UXS1: variants seen among roughly 807,000 people sequenced by gnomAD.
UXS1 encodes the protein UDP-glucuronic acid decarboxylase 1.
Under a neutral mutation model 62.6 loss-of-function variants are expected in UXS1, and 33 were observed. That is an observed-to-expected ratio of 0.53 (90% CI 0.40 to 0.70). The LOEUF is 0.70. Among genes scored for constraint, UXS1 ranks in the 30% least tolerant of loss-of-function variants. UXS1 has a pLI of 0.00. For synonymous variants in UXS1, 213 were observed against 206.8 expected (o/e 1.03, Z -0.26); for missense variants, 434 against 556.3 (o/e 0.78, Z 2.21).
At chr2:106,147,363 G>A (rs1203865218) in intron 5 of UXS1, among the ~76,000 whole-genome samples, 1 of 152,208 alleles carries the variant, frequency 6.6e-6, no homozygotes, top group East Asian at 1.9e-4. Context: ...CAGGAGCTAA[G>A]TCACATCCCT....
At position 106,112,665 on chromosome 2, in the gene UXS1, A is replaced by G. The variant is rs754028083; in HGVS notation, c.860T>C (p.Leu287Pro). The G allele has an allele frequency of 5.0e-6, 8 of 1,613,916 alleles. No homozygotes were observed. Among genetic ancestry groups the G allele is most frequent in the Admixed American group, 3.3e-5 (2 of 60,020 alleles). Residue 287 changes from leucine (L) to proline (P), a missense_variant, in exon 10 of 15, where the codon CTC (leucine) becomes CCC (proline). Physicochemically the swap from Leu to Pro is moderately conservative, Grantham distance 98. Around this residue, in one of 3 missense-constraint regions of UXS1, gnomAD observed 209 missense variants for 233.3 expected, o/e 0.90. Transcript: ENST00000283148. ...ACCTACCGTGAGTGGCTCCCCCTGG[A>G]GCGCCTGCAGGATGAAGTTGCTGAC... is the stretch of plus-strand genomic sequence containing the variant. ...RVVSNFILQA[L>P]QGEPLTVYGS...
At chr2:106,174,302 A>C (rs1237405888) in intron 1 of UXS1, among the ~76,000 whole-genome samples, 1 of 152,248 alleles carries the variant, frequency 6.6e-6, no homozygotes, top group East Asian at 1.9e-4. Context: ...TGTTCAGAGC[A>C]TGAAGAGACA....
At chr2:106,159,823 A>T (rs1042605943) in intron 4 of UXS1, among the ~76,000 whole-genome samples, 1 of 152,188 alleles carries the variant, frequency 6.6e-6, no homozygotes, top group Non-Finnish European at 1.5e-5. Context: ...TCTCATCTCC[A>T]GAAAGCCCTG....
chr2:106,143,408 CAAAAAAAAAAAAAAAA>C (rs60493984), intron 6 of UXS1, among the ~76,000 whole-genome samples: 4 of 38,654 alleles, frequency 1.0e-4, no homozygotes, highest in East Asian at 6.3e-4. Context: ...GACTCCGTCT[CAAAAAAAAAAAAAAAA>C]AAAAAAAAAA....
At chr2:106,177,325 A>G (rs1315338003) in intron 1 of UXS1, among the ~76,000 whole-genome samples, 4 of 151,088 alleles carry the variant, frequency 2.6e-5, no homozygotes, top group African/African-American at 9.8e-5. Context: ...CCTCCTGAGT[A>G]GCTAGGATTA....
intron 6 of UXS1, among the ~76,000 whole-genome samples, chr2:106,142,394 C>T (rs1416289789): frequency 6.6e-6 from 1 of 152,156 alleles, no homozygotes; most frequent in Non-Finnish European, 1.5e-5. Context: ...TGTTTAATCT[C>T]TCTTGAGATT....
intron 7 of UXS1, among the ~76,000 whole-genome samples, chr2:106,125,944 G>A (rs1679904779): frequency 6.6e-6 from 1 of 152,184 alleles, no homozygotes; most frequent in South Asian, 2.1e-4. Context: ...GATAAAGTGT[G>A]ATTTGAGGAG....
At chr2:106,177,353 A>G (rs1212396467) in intron 1 of UXS1, among the ~76,000 whole-genome samples, 6 of 151,824 alleles carry the variant, frequency 4.0e-5, no homozygotes, top group Non-Finnish European at 1.5e-5. Flanking sequence ...GTGCTACCAC[A>G]CCTGGCTAAT....
chr2:106,187,110 G>C (rs1474407787), intron 1 of UXS1, among the ~76,000 whole-genome samples: 3 of 152,060 alleles, frequency 2.0e-5, no homozygotes, highest in Non-Finnish European at 4.4e-5. Flanking sequence ...AAAAAATGTA[G>C]GCATCTGGTG....
chr2:106,144,937 G>A (rs1189458492), intron 6 of UXS1, among the ~76,000 whole-genome samples: 1 of 152,206 alleles, frequency 6.6e-6, no homozygotes, highest in Non-Finnish European at 1.5e-5. Flanking sequence ...CTACAGGAAA[G>A]TTACTTCAAC....
chr2:106,145,082 C>T (rs1681455307), intron 6 of UXS1, 108 bp downstream of exon 6: 2 of 1,246,434 alleles, frequency 1.6e-6, no homozygotes, highest in East Asian at 2.4e-5. Flanking sequence ...TAAAACCCAA[C>T]ATAGCTTTCA....
chr2:106,129,850 A>G (rs1328078582), intron 6 of UXS1, 72 bp from the exon 7 acceptor site: 2 of 895,816 alleles, frequency 2.2e-6, no homozygotes, highest in Non-Finnish European at 3.4e-6. Flanking sequence ...TAGGATATAT[A>G]CTGTATAATA....
chr2:106,145,396 C>T lies in UXS1; in HGVS notation c.292-26G>A, dbSNP rs763342568. 6.9e-6 allele frequency: 11 copies of T among 1,590,862 alleles called. No individual in the cohort carries two copies. The South Asian group carries it at 1.3e-4, about 18-fold the overall frequency. On this transcript the variant is annotated intron_variant, in intron 5 of 14. Coordinates refer to ENST00000283148, the MANE Select transcript of UXS1 (RefSeq NM_001253875.2). ...CTGCATCCGGACAGCGTGTGCAGAG[C>T]ATTCCCAGAAAAAGCACATGAGAAC...
chr2:106,143,186 A>G (rs1326356282), intron 6 of UXS1, among the ~76,000 whole-genome samples: 1 of 151,788 alleles, frequency 6.6e-6, no homozygotes, highest in Non-Finnish European at 1.5e-5. Flanking sequence ...AGGTGGGCGG[A>G]TCATGAGGGC....
At position 106,144,724 on chromosome 2, in the gene UXS1, C is replaced by T. The variant is rs376782078; in HGVS notation, c.472+466G>A. Among the ~76,000 whole-genome samples, 22 of 152,282 alleles carry T rather than the reference C, an allele frequency of 1.4e-4. No individual in the cohort carries two copies. The East Asian group carries it at 3.1e-3, about 21-fold the overall frequency. Reference sequence around the variant, plus strand: ...TTCCTGGTTCATATATGCATCTTCTCGCCACGTCCTCACACGGTGGAAAGG... The same window carrying T: ...TTCCTGGTTCATATATGCATCTTCTTGCCACGTCCTCACACGGTGGAAAGG... On this transcript the variant is annotated intron_variant, in intron 6 of 14. Transcript: ENST00000283148.
intron 5 of UXS1, among the ~76,000 whole-genome samples, chr2:106,151,471 G>C (rs1325864172): frequency 6.6e-6 from 1 of 152,072 alleles, no homozygotes; most frequent in Non-Finnish European, 1.5e-5. Context: ...GAATGAGTTA[G>C]GTCCCCTTTG....
rs1214037356 is a variant in UXS1 at position 106,101,122 on chromosome 2, G to GA, written c.924-5dup. ...CACGAGGCCATTCACTAGATCGCTG[G>GA]AAAAAAAGGGGAGGCAGGTGAGGCT... On this transcript the variant is annotated splice_region_variant and splice_polypyrimidine_tract_variant and intron_variant, in intron 11 of 14. Transcript: ENST00000283148. The GA allele has an allele frequency of 2.5e-6, 4 of 1,611,560 alleles. No homozygotes were observed. Among genetic ancestry groups the GA allele is most frequent in the South Asian group, 1.1e-5 (1 of 90,804 alleles).
intron 1 of UXS1, among the ~76,000 whole-genome samples, chr2:106,186,807 A>C (rs986153612): frequency 6.6e-6 from 1 of 152,136 alleles, no homozygotes; most frequent in Middle Eastern, 3.2e-3. Flanking sequence ...AACAGATTGA[A>C]ACCCTGTCTC....
rs1677555787 is a variant in UXS1, at chr2:106,101,107, T to C, written c.935A>G (p.Asn312Ser). Residue 312 changes from asparagine (N) to serine (S), a missense_variant, in exon 12 of 15, where the codon AAT (asparagine) becomes AGT (serine). By Grantham distance (46) the Asn-to-Ser change is conservative. Coordinates refer to ENST00000283148, the MANE Select transcript of UXS1 (RefSeq NM_001253875.2). ...RAFQYVSDLV[N>S]GLVALMNSNV... Reference sequence around the variant, plus strand: ...GCTGTTCATGAGAGCCACGAGGCCATTCACTAGATCGCTGGAAAAAAAGGG... The same window carrying C: ...GCTGTTCATGAGAGCCACGAGGCCACTCACTAGATCGCTGGAAAAAAAGGG... 1 of 1,613,798 alleles carries C rather than the reference T, an allele frequency of 6.2e-7. No homozygotes were observed. Among genetic ancestry groups the C allele is most frequent in the Non-Finnish European group, 8.5e-7 (1 of 1,179,846 alleles).
Sources: allele counts gnomAD v4.1 joint callset (sites outside exome capture counted in the v4.1 genomes callset), GRCh38; gene constraint gnomAD v4.1.1; regional missense constraint gnomAD v4.1.1; transcripts MANE v1.5; gene names NCBI Gene and HGNC (gene_info 2026-07-23, HGNC 2026-07-21).